Variants in IPPK observed in about 807,000 individuals in gnomAD.
The protein encoded by IPPK is inositol-pentakisphosphate 2-kinase, also known as IPK1 homolog.
IPPK carries 22 observed loss-of-function variants against 64.6 expected under a neutral mutation model. The observed-to-expected ratio is 0.34, with a 90% CI of 0.24 to 0.49. The LOEUF is 0.49. Among genes scored for constraint, IPPK ranks in the 20% least tolerant of loss-of-function variants. The pLI is 0.99. For missense variants in IPPK, 532 were observed against 630.7 expected (o/e 0.84, Z 1.68); for synonymous variants, 262 against 247.2 (o/e 1.06, Z -0.56).
Position 92,619,581 on chromosome 9 carries a change from A to G in IPPK, c.1171-16T>C, listed in dbSNP as rs1431812553. 1 of 1,566,564 alleles carries G rather than the reference A, an allele frequency of 6.4e-7. No individual in the cohort carries two copies. Among genetic ancestry groups the G allele is most frequent in the Admixed American group, 1.9e-5 (1 of 52,184 alleles). On this transcript the variant is annotated splice_polypyrimidine_tract_variant and intron_variant, in intron 11 of 12. Coordinates refer to ENST00000287996, the MANE Select transcript of IPPK (RefSeq NM_022755.6). The stretch of plus-strand genomic sequence containing the variant: ...ACTGCTGCACCTGCAGGGGCGGGAA[A>G]GATCAGCTCCAGGTCACACAGGAAG...
chr9:92,615,977 G>A lies in IPPK; in HGVS notation c.1331C>T (p.Pro444Leu). The change falls in exon 13 of 13, where the codon CCC becomes CTC. Residue 444 changes from proline (P) to leucine (L), a missense_variant. By Grantham distance (98) the Pro-to-Leu change is moderately conservative. Coordinates refer to ENST00000287996, the MANE Select transcript of IPPK (RefSeq NM_022755.6). ...ATACTGATGGGGAATGCTCTCGTAG[G>A]GCTTGAGGTCAAGGTCCAGCACAGA... ...SVSVLDLDLK[P>L]YESIPHQYKL... The A allele has an allele frequency of 6.2e-7, 1 of 1,614,072 alleles. No individual in the cohort carries two copies.
At chr9:92,660,334 A>G (rs998721868) in intron 1 of IPPK, among the ~76,000 whole-genome samples, 1 of 152,170 alleles carries the variant, frequency 6.6e-6, no homozygotes, top group Non-Finnish European at 1.5e-5. Context: ...AATACATTAC[A>G]TGAAATCCCT....
intron 11 of IPPK, among the ~76,000 whole-genome samples, chr9:92,621,108 G>T (rs1345521202): frequency 6.6e-6 from 1 of 151,154 alleles, no homozygotes; most frequent in Non-Finnish European, 1.5e-5. Context: ...TTGTATAAGG[G>T]CCTGAATTCA....
At chr9:92,640,490 T>C (rs1852025972) in intron 8 of IPPK, among the ~76,000 whole-genome samples, 1 of 152,100 alleles carries the variant, frequency 6.6e-6, no homozygotes, top group African/African-American at 2.4e-5. Context: ...GTCACTCAGA[T>C]GCTATGCTTG....
chr9:92,655,395 G>A (rs569742393), intron 3 of IPPK, among the ~76,000 whole-genome samples: 25 of 152,294 alleles, frequency 1.6e-4, no homozygotes, highest in Admixed American at 3.9e-4. Flanking sequence ...TCACTTTGTC[G>A]GTATCTTAAG....
intron 2 of IPPK, 68 bp downstream of exon 2, chr9:92,658,566 T>A (rs934894621): frequency 7.6e-6 from 10 of 1,317,086 alleles, no homozygotes; most frequent in Non-Finnish European, 1.1e-5. Flanking sequence ...TGTTTCTACA[T>A]CGGAAAAAAA....
At position 92,626,770 on chromosome 9, in the gene IPPK, A is replaced by G. The variant is rs1311643000; in HGVS notation, c.1171-7205T>C. 2.0e-5 allele frequency among the ~76,000 whole-genome samples: 3 copies of G among 152,212 alleles called. No homozygotes were observed. In the East Asian group the frequency reaches 5.8e-4, roughly 29 times the overall value. On this transcript the variant is annotated intron_variant, in intron 11 of 12. Transcript: ENST00000287996. The stretch of plus-strand genomic sequence containing the variant: ...AGCACACCCAAATCACATTGCACTA[A>G]AATGTCAAAAGGACAAGAAAGAGGT...
At chr9:92,624,881 A>G (rs114498829) in intron 11 of IPPK, among the ~76,000 whole-genome samples, 5,792 of 151,058 alleles carry the variant, frequency 0.038, 151 homozygotes, top group South Asian at 0.076. Flanking sequence ...AGCAAAGGTG[A>G]ATCTCATAAA....
chr9:92,649,403 A>G (rs559670018), intron 5 of IPPK, 50 bp downstream of exon 5: 1 of 1,610,828 alleles, frequency 6.2e-7, no homozygotes, highest in East Asian at 2.2e-5. Context: ...CTTACTACCC[A>G]AGACTGACCT....
chr9:92,620,784 G>A (rs1368181748), intron 11 of IPPK, among the ~76,000 whole-genome samples: 1 of 152,164 alleles, frequency 6.6e-6, no homozygotes, highest in Non-Finnish European at 1.5e-5. Flanking sequence ...ATGGAAATGA[G>A]CAGCTCCTAT....
Position 92,648,043 on chromosome 9 carries a change from G to A in IPPK, c.504+16C>T. 1 of 1,596,670 alleles carries A rather than the reference G, an allele frequency of 6.3e-7. No homozygotes were observed. The highest frequency in any genetic ancestry group is 8.6e-7 in the Non-Finnish European group (1 of 1,165,668). ...CGTGCAGCTAGAGTAGCCCACAGCT[G>A]GGCATTGGCTCTCACCTTGAGGTGC... On this transcript the variant is annotated intron_variant, in intron 6 of 12. Transcript: ENST00000287996.
intron 12 of IPPK, chr9:92,617,729 A>C (rs1851488379): frequency 6.3e-6 from 1 of 159,392 alleles, no homozygotes; most frequent in Non-Finnish European, 1.4e-5. Context: ...TGGAGAAGCC[A>C]AGGCCGCACA....
Position 92,649,486 on chromosome 9 carries a change from T to C in IPPK, c.381A>G (p.Ala127=), listed in dbSNP as rs763097579. 1 of 1,614,140 alleles carries C rather than the reference T, an allele frequency of 6.2e-7. No individual in the cohort carries two copies. Among genetic ancestry groups the C allele is most frequent in the Non-Finnish European group, 8.5e-7 (1 of 1,180,020 alleles). ...NLTRLQTYRF[A]EHRPILCVEI... is the part of the protein sequence containing the mutation. Reference sequence around the variant, plus strand: ...CTACACACAGAATCGGCCGGTGCTCTGCAAAGCGGTAGGTTTGGAGTCTGG... The same window carrying C: ...CTACACACAGAATCGGCCGGTGCTCCGCAAAGCGGTAGGTTTGGAGTCTGG... The change falls in exon 5 of 13, where the codon GCA becomes GCG. Residue 127 remains alanine, a synonymous_variant. Coordinates refer to ENST00000287996, the MANE Select transcript of IPPK (RefSeq NM_022755.6).
At chr9:92,620,431 A>G (rs1240602519) in intron 11 of IPPK, 2 of 151,980 alleles carry the variant, frequency 1.3e-5, no homozygotes, top group African/African-American at 4.8e-5. Flanking sequence ...AATGTGAGGC[A>G]CTCTCTCCTC....
chr9:92,621,440 A>C (rs1305333217), intron 11 of IPPK, among the ~76,000 whole-genome samples: 1 of 152,036 alleles, frequency 6.6e-6, no homozygotes, highest in Non-Finnish European at 1.5e-5. Context: ...CTACAAAGAC[A>C]ACTATGGGGC....
chr9:92,618,152 A>G (rs775630474), intron 12 of IPPK: 9 of 442,846 alleles, frequency 2.0e-5, no homozygotes, highest in Non-Finnish European at 4.6e-6. Context: ...CCAGCCCCAC[A>G]CGCCATGTTC....
rs1312629631 is a variant in IPPK, at chr9:92,635,301, G to T, written c.924C>A (p.Asn308Lys). The T allele has an allele frequency of 6.2e-7, 1 of 1,606,868 alleles. No homozygotes were observed. The highest frequency in any genetic ancestry group is 8.5e-7 in the Non-Finnish European group (1 of 1,177,764). The change falls in exon 10 of 13, where the codon AAC becomes AAA. Residue 308 changes from asparagine (N) to lysine (K), a missense_variant. By Grantham distance (94) the Asn-to-Lys change is moderately conservative (BLOSUM62 0). Transcript: ENST00000287996. This position sits in a 1 kb window ranked among gnomAD's most constrained non-coding sequence, Gnocchi z 4.4. Reference protein sequence around the residue: ...FSRSLRCQGKNTPERSGLPKG... With the variant: ...FSRSLRCQGKKTPERSGLPKG... ...TCGGTAACCCCGAGCGCTCTGGGGT[G>T]TTTTTTCCTACCGAGAACATCAGGG...
chr9:92,650,174 T>C (rs1172293747), intron 4 of IPPK, among the ~76,000 whole-genome samples: 3 of 151,130 alleles, frequency 2.0e-5, no homozygotes, highest in Non-Finnish European at 2.9e-5. Flanking sequence ...ATACAAAAAA[T>C]TAGCTGGGCG....
chr9:92,637,529 C>G (rs1292778587), intron 9 of IPPK, among the ~76,000 whole-genome samples: 2 of 152,170 alleles, frequency 1.3e-5, no homozygotes, highest in Admixed American at 6.5e-5. Context: ...GGAAGGCGTC[C>G]CGCAGTCCAA....
Sources: allele counts gnomAD v4.1 joint callset (sites outside exome capture counted in the v4.1 genomes callset), GRCh38; gene constraint gnomAD v4.1.1; non-coding constraint Gnocchi (gnomAD v3.1); transcripts MANE v1.5; gene names NCBI Gene and HGNC (gene_info 2026-07-23, HGNC 2026-07-21).